Variants in TRIM44 observed in about 807,000 individuals in gnomAD.
TRIM44 encodes tripartite motif-containing protein 44.
TRIM44 carries 13 observed loss-of-function variants against 37.4 expected under a neutral mutation model. The ratio of observed to expected loss-of-function variants is 0.35; its 90% confidence interval spans 0.23 to 0.55. The LOEUF (loss-of-function observed/expected upper bound fraction) is 0.55, where lower values mean the gene tolerates loss of function less well. Among genes scored for constraint, TRIM44 ranks in the 20% least tolerant of loss-of-function variants. TRIM44 has a pLI of 0.89. For synonymous variants in TRIM44, 175 were observed against 157.2 expected (o/e 1.11, Z -0.85); for missense variants, 426 against 437.2 (o/e 0.97, Z 0.23).
At chr11:35,734,375 T>C (rs558796560) in intron 3 of TRIM44, among the ~76,000 whole-genome samples, 12 of 152,296 alleles carry the variant, frequency 7.9e-5, no homozygotes, top group East Asian at 5.8e-4. Context: ...AATTAGGAAA[T>C]TGAAGTTAAG....
intron 2 of TRIM44, among the ~76,000 whole-genome samples, chr11:35,712,416 C>T (rs1484455860): frequency 1.3e-5 from 2 of 152,120 alleles, no homozygotes; most frequent in Non-Finnish European, 2.9e-5. Flanking sequence ...AGATTCTTCA[C>T]TCCCTACCTC....
chr11:35,763,903 C>T (rs116913266), intron 4 of TRIM44, among the ~76,000 whole-genome samples: 2,691 of 152,244 alleles, frequency 0.018, 39 homozygotes, highest in Non-Finnish European at 0.028. Context: ...TTGTGTACAA[C>T]GCCTTTCCAG....
chr11:35,684,418 T>C (rs1402165055), intron 1 of TRIM44, among the ~76,000 whole-genome samples: 1 of 152,238 alleles, frequency 6.6e-6, no homozygotes, highest in East Asian at 1.9e-4. Context: ...TCTTTTATTG[T>C]ACTGTGCTAT....
intron 4 of TRIM44, among the ~76,000 whole-genome samples, chr11:35,796,960 C>T (rs1853300863): frequency 2.0e-5 from 3 of 152,220 alleles, no homozygotes; most frequent in South Asian, 2.1e-4. Context: ...ATTCCTGTGC[C>T]GATGTGAGTA....
chr11:35,760,007 C>A lies in TRIM44; in HGVS notation c.1007+24562C>A, dbSNP rs141548039. On this transcript the variant is annotated intron_variant, in intron 4 of 4. Transcript: ENST00000299413. Reference sequence around the variant, plus strand: ...CAGCTGCATGCTGGGAGAACCACTACTCTCTTCAAAGCTGTCAAACAGGGA... The same window carrying A: ...CAGCTGCATGCTGGGAGAACCACTAATCTCTTCAAAGCTGTCAAACAGGGA... 1.5e-3 allele frequency among the ~76,000 whole-genome samples: 236 copies of A among 152,348 alleles called. 2 individuals carry two copies. The highest frequency in any genetic ancestry group is 5.5e-3 in the African/African-American group (230 of 41,584).
chr11:35,700,766 G>A (rs113299099), intron 2 of TRIM44, among the ~76,000 whole-genome samples: 7 of 152,060 alleles, frequency 4.6e-5, no homozygotes, highest in African/African-American at 7.2e-5. Flanking sequence ...ATATGTCCCC[G>A]GGACTTATCT....
rs1853568656 is a variant in TRIM44 at position 35,815,195 on chromosome 11, G to T, written c.*8810G>T. The T allele has an allele frequency of 2.6e-5, 4 of 152,178 alleles. No individual in the cohort carries two copies. The highest frequency in any genetic ancestry group is 6.5e-5 in the Admixed American group (1 of 15,272). 9.4% of individuals were successfully genotyped at this position (152,178 alleles called of 1,614,324 possible). ...TTAAAAACATTTGAGTCCAAGTATG[G>T]TTCTCTGGCTTGAGGGTGGCCATTT... On this transcript the variant is annotated 3_prime_UTR_variant, in exon 5 of 5. Coordinates refer to ENST00000299413, the MANE Select transcript of TRIM44 (RefSeq NM_017583.6).
rs139770811 is a variant in TRIM44, at chr11:35,785,593, C to T, written c.1008-20765C>T. ...AGAGTTCAGTCTTTATGGTGGACAG[C>T]AGGAGTGGCAACACAGTATCAGCCT... On this transcript the variant is annotated intron_variant, in intron 4 of 4. Transcript: ENST00000299413. 4.9e-4 allele frequency among the ~76,000 whole-genome samples: 75 copies of T among 152,306 alleles called. 1 individual carries two copies. Among genetic ancestry groups the T allele is most frequent in the African/African-American group, 1.8e-3 (73 of 41,572 alleles).
At chr11:35,779,332 G>A (rs1406480132) in intron 4 of TRIM44, among the ~76,000 whole-genome samples, 1 of 152,154 alleles carries the variant, frequency 6.6e-6, no homozygotes, top group African/African-American at 2.4e-5. Flanking sequence ...CGATTTTCCA[G>A]GTACCATCTG....
intron 1 of TRIM44, among the ~76,000 whole-genome samples, chr11:35,673,235 A>G (rs774674874): frequency 2.0e-5 from 3 of 152,212 alleles, no homozygotes; most frequent in Non-Finnish European, 4.4e-5. Flanking sequence ...AAGATGTGTT[A>G]TAGAAGGCAT....
At chr11:35,798,377 C>T (rs988739796) in intron 4 of TRIM44, among the ~76,000 whole-genome samples, 1 of 152,148 alleles carries the variant, frequency 6.6e-6, no homozygotes, top group South Asian at 2.1e-4. Context: ...TTCCCTTTGG[C>T]TTAGTGATTT....
At chr11:35,711,364 G>A (rs1209755475) in intron 2 of TRIM44, among the ~76,000 whole-genome samples, 1 of 152,060 alleles carries the variant, frequency 6.6e-6, no homozygotes, top group Non-Finnish European at 1.5e-5. Context: ...ACAGGAGGAG[G>A]CAGTATACTA....
chr11:35,677,904 A>T (rs567802727), intron 1 of TRIM44, among the ~76,000 whole-genome samples: 1 of 152,160 alleles, frequency 6.6e-6, no homozygotes, highest in Non-Finnish European at 1.5e-5. Context: ...AATGAGAGGG[A>T]AGCTTTTTAA....
intron 1 of TRIM44, among the ~76,000 whole-genome samples, chr11:35,671,716 C>T (rs559160493): frequency 1.3e-5 from 2 of 152,278 alleles, no homozygotes; most frequent in South Asian, 4.1e-4. Context: ...ACCTGCTAGG[C>T]CAAATGGACT....
At chr11:35,706,789 A>C (rs941375918) in intron 2 of TRIM44, among the ~76,000 whole-genome samples, 2 of 151,876 alleles carry the variant, frequency 1.3e-5, no homozygotes, top group Non-Finnish European at 2.9e-5. Flanking sequence ...ATCTTTGACA[A>C]ACCCACAGCC....
intron 2 of TRIM44, among the ~76,000 whole-genome samples, chr11:35,696,432 G>A (rs1463428149): frequency 6.6e-6 from 1 of 151,058 alleles, no homozygotes; most frequent in Admixed American, 6.6e-5. Context: ...GTGAGCCGCC[G>A]CAAGCAGCCG....
intron 4 of TRIM44, among the ~76,000 whole-genome samples, chr11:35,743,611 A>G (rs779113625): frequency 5.3e-5 from 8 of 152,148 alleles, no homozygotes; most frequent in South Asian, 2.1e-4. Flanking sequence ...GTCTGTTTTG[A>G]TAGCTTCTGC....
At chr11:35,720,903 A>G (rs57841202) in intron 2 of TRIM44, among the ~76,000 whole-genome samples, 3 of 150,722 alleles carry the variant, frequency 2.0e-5, no homozygotes, top group Non-Finnish European at 4.4e-5. Context: ...GTCATGGTAT[A>G]TAATTCTTTT....
At chr11:35,794,663 G>C (rs1183715155) in intron 4 of TRIM44, among the ~76,000 whole-genome samples, 1 of 152,158 alleles carries the variant, frequency 6.6e-6, no homozygotes, top group African/African-American at 2.4e-5. Context: ...AATGGAGGTT[G>C]GATTTACCTG....
Sources: gnomAD v4.1 joint callset for allele counts (sites outside exome capture counted in the v4.1 genomes callset) on GRCh38, gnomAD v4.1.1 for gene constraint, MANE v1.5 for transcripts, NCBI Gene and HGNC (gene_info 2026-07-23, HGNC 2026-07-21) for gene names.